EIF4E3: variants seen among roughly 807,000 people sequenced by gnomAD.
EIF4E3 encodes the protein eukaryotic translation initiation factor 4E type 3.
Under a neutral mutation model 31.7 loss-of-function variants are expected in EIF4E3, and 26 were observed. That is an observed-to-expected ratio of 0.82 (90% CI 0.60 to 1.14). EIF4E3 has a LOEUF of 1.14. Among genes scored for constraint, EIF4E3 ranks in the 50% most tolerant of loss-of-function variants. The pLI, the probability that EIF4E3 is intolerant of heterozygous loss-of-function variation, is 0.00. For missense variants in EIF4E3, 304 were observed against 270.9 expected (o/e 1.12, Z -0.86); for synonymous variants, 128 against 107.7 (o/e 1.19, Z -1.17).
Position 71,696,997 on chromosome 3 carries a change from C to T in EIF4E3, c.345-477G>A, listed in dbSNP as rs551080887. ...CCTCCCAAAGCGCTGGGATTACAGA[C>T]GTAAGCCACCGCACCCGGCCCCTGA... On this transcript the variant is annotated intron_variant, in intron 3 of 6. Coordinates refer to ENST00000425534, the MANE Select transcript of EIF4E3 (RefSeq NM_001134651.2). Among the ~76,000 whole-genome samples, 492 of 151,528 alleles carry T rather than the reference C, an allele frequency of 3.2e-3. 5 individuals carry two copies. Among genetic ancestry groups the T allele is most frequent in the African/African-American group, 0.011 (469 of 41,208 alleles).
chr3:71,720,328 T>C (rs987147731), intron 1 of EIF4E3, among the ~76,000 whole-genome samples: 3 of 151,962 alleles, frequency 2.0e-5, no homozygotes, highest in Non-Finnish European at 4.4e-5. Flanking sequence ...CCCAAGTAGC[T>C]GGGACTACAG....
downstream of EIF4E3, among the ~76,000 whole-genome samples, chr3:71,671,728 G>A (rs1320837049): frequency 1.3e-5 from 2 of 152,042 alleles, no homozygotes; most frequent in African/African-American, 4.8e-5. Context: ...ATAGATTTGT[G>A]CATGCTGCCC....
chr3:71,749,505 T>C (rs1463054937), intron 1 of EIF4E3, among the ~76,000 whole-genome samples: 2 of 152,226 alleles, frequency 1.3e-5, no homozygotes, highest in Non-Finnish European at 2.9e-5. Flanking sequence ...ATGTACCTAT[T>C]GGCAGGTGAC....
At chr3:71,689,302 C>T (rs771971380) in intron 6 of EIF4E3, among the ~76,000 whole-genome samples, 2 of 152,122 alleles carry the variant, frequency 1.3e-5, no homozygotes, top group Non-Finnish European at 2.9e-5. Flanking sequence ...GGCTGTCGTC[C>T]TTTTCTCTAA....
chr3:71,743,550 A>C (rs954845373), intron 1 of EIF4E3, among the ~76,000 whole-genome samples: 2 of 152,120 alleles, frequency 1.3e-5, no homozygotes, highest in African/African-American at 4.8e-5. Flanking sequence ...AATTCTCCCC[A>C]AACTGATCTA....
intron 1 of EIF4E3, among the ~76,000 whole-genome samples, chr3:71,743,742 G>A (rs376464717): frequency 8.5e-5 from 13 of 152,218 alleles, no homozygotes; most frequent in African/African-American, 2.9e-4. Context: ...AATGAATACA[G>A]TGTGACATCA....
At chr3:71,754,187 G>A (rs2108174271), upstream of EIF4E3, 3 of 1,435,552 alleles carry the variant, frequency 2.1e-6, no homozygotes, top group Non-Finnish European at 2.8e-6. The surrounding 1 kb of genome is among the most constrained non-coding windows in gnomAD (Gnocchi z 5.8). Context: ...TCGTGCGGGA[G>A]CGCAGCCTGC....
At position 71,675,698 on chromosome 3, in the gene EIF4E3, A is replaced by G. The variant is rs893778936; in HGVS notation, c.*8984T>C. Reference sequence around the variant, plus strand: ...CTTTCTGGGTCATTTCTTCATCTGTAAAATGAAAAGTTTGAACTAGGCCAG... The same window carrying G: ...CTTTCTGGGTCATTTCTTCATCTGTGAAATGAAAAGTTTGAACTAGGCCAG... On this transcript the variant is annotated 3_prime_UTR_variant, in exon 7 of 7. Coordinates refer to ENST00000425534, the MANE Select transcript of EIF4E3 (RefSeq NM_001134651.2). 1.3e-5 allele frequency: 2 copies of G among 152,240 alleles called. No homozygotes were observed. The highest frequency in any genetic ancestry group is 4.8e-5 in the African/African-American group (2 of 41,458). 9.4% of individuals were successfully genotyped at this position (152,240 alleles called of 1,614,324 possible).
intron 1 of EIF4E3, among the ~76,000 whole-genome samples, chr3:71,734,612 C>G (rs1322846724): frequency 6.6e-6 from 1 of 151,990 alleles, no homozygotes; most frequent in African/African-American, 2.4e-5. Flanking sequence ...AACCAAACTC[C>G]TTATTAGAAT....
downstream of EIF4E3, among the ~76,000 whole-genome samples, chr3:71,671,411 C>T (rs2048847331): frequency 2.0e-5 from 3 of 151,970 alleles, no homozygotes; most frequent in African/African-American, 7.3e-5. Context: ...AGCATGGCAG[C>T]ATCCGGAGCC....
At chr3:71,702,711 T>TAAA (rs34223814) in intron 2 of EIF4E3, among the ~76,000 whole-genome samples, 14 of 131,224 alleles carry the variant, frequency 1.1e-4, no homozygotes, top group African/African-American at 2.5e-4. Flanking sequence ...GTCACACCAT[T>TAAA]AAAAAAAAAA....
At chr3:71,664,905 G>A in the EIF4E3 span, among the ~76,000 whole-genome samples, 7 of 152,100 alleles carry the variant, frequency 4.6e-5, no homozygotes, top group Non-Finnish European at 7.4e-5. Flanking sequence ...AAAAAAACTC[G>A]AAGACGTATG....
chr3:71,752,886 C>T (rs2049947740), intron 1 of EIF4E3, among the ~76,000 whole-genome samples: 1 of 152,168 alleles, frequency 6.6e-6, no homozygotes. Flanking sequence ...TGCGGTGTGT[C>T]TGAGAATCAT....
chr3:71,663,610 T>C, the EIF4E3 span, among the ~76,000 whole-genome samples: 1 of 152,170 alleles, frequency 6.6e-6, no homozygotes, highest in African/African-American at 2.4e-5. Context: ...GTGGCCTAGA[T>C]ATTGGGGTGA....
In EIF4E3 at chr3:71,681,043, T is replaced by C. The variant is rs981073222; in HGVS notation, c.*3639A>G. On this transcript the variant is annotated 3_prime_UTR_variant, in exon 7 of 7. Transcript: ENST00000425534. ...GATGAAATATTTTCCATATCTCCTA[T>C]ATGTGAGTTTATTTTATTCTTTTTC... 6.6e-6 allele frequency: 1 copy of C among 152,222 alleles called. No homozygotes were observed. The highest frequency in any genetic ancestry group is 6.5e-5 in the Admixed American group (1 of 15,284). 9.4% of individuals were successfully genotyped at this position (152,222 alleles called of 1,614,324 possible).
downstream of EIF4E3, among the ~76,000 whole-genome samples, chr3:71,670,440 C>T (rs578069696): frequency 7.0e-4 from 106 of 152,294 alleles, no homozygotes; most frequent in African/African-American, 1.8e-3. Context: ...GCCCCAGCCA[C>T]GGCCCTCGTC....
chr3:71,670,363 C>T, the EIF4E3 span, among the ~76,000 whole-genome samples: 3 of 152,168 alleles, frequency 2.0e-5, no homozygotes, highest in East Asian at 3.9e-4. Context: ...TTCTTTTGCC[C>T]CTCCTTTTTC....
Position 71,720,686 on chromosome 3 carries a change from T to C in EIF4E3, c.176+4506A>G, listed in dbSNP as rs115728542. ...GCAGAGGAACAGGGCAAAGGAGTTT[T>C]GGAATGGTAAGATAAGGCGTATGTT... On this transcript the variant is annotated intron_variant, in intron 1 of 6. Transcript: ENST00000425534. Among the ~76,000 whole-genome samples, 335 of 152,238 alleles carry C rather than the reference T, an allele frequency of 2.2e-3. 1 individual carries two copies. The highest frequency in any genetic ancestry group is 7.7e-3 in the African/African-American group (319 of 41,534).
At chr3:71,690,454 G>A (rs1022515823) in intron 5 of EIF4E3, among the ~76,000 whole-genome samples, 1 of 152,142 alleles carries the variant, frequency 6.6e-6, no homozygotes, top group African/African-American at 2.4e-5. Flanking sequence ...CATTACCAAA[G>A]CTTTGTGACT....
Sources: allele counts gnomAD v4.1 joint callset (sites outside exome capture counted in the v4.1 genomes callset), GRCh38; gene constraint gnomAD v4.1.1; non-coding constraint Gnocchi (gnomAD v3.1); transcripts MANE v1.5; gene names NCBI Gene and HGNC (gene_info 2026-07-23, HGNC 2026-07-21).